The following DCDC1 variants were observed in gnomAD, a reference collection of about 807,000 sequenced individuals.
DCDC1 encodes doublecortin domain-containing protein 1.
In DCDC1, 200 loss-of-function variants were observed where a neutral mutation model predicts 178.3. The ratio of observed to expected loss-of-function variants is 1.12; its 90% CI spans 1.00 to 1.26. DCDC1 has a LOEUF of 1.26. Among genes scored for constraint, DCDC1 ranks in the 50% most tolerant of loss-of-function variants. The pLI is 0.00. For missense variants in DCDC1, 1,983 were observed against 1,749.2 expected (o/e 1.13, Z -2.38); for synonymous variants, 690 against 604.8 (o/e 1.14, Z -2.07).
chr11:31,020,463 C>G (rs1952794202), intron 20 of DCDC1, among the ~76,000 whole-genome samples: 2 of 152,126 alleles, frequency 1.3e-5, no homozygotes, highest in Non-Finnish European at 2.9e-5. Flanking sequence ...TGTCTTAAGT[C>G]ATTAGATCAA....
At chr11:30,918,407 C>T (rs751233334) in intron 25 of DCDC1, among the ~76,000 whole-genome samples, 6 of 152,086 alleles carry the variant, frequency 3.9e-5, no homozygotes, top group East Asian at 1.9e-4. Flanking sequence ...TCAGTGCTCA[C>T]GGAGTTTACA....
chr11:30,977,898 C>T (rs749635547), intron 20 of DCDC1, among the ~76,000 whole-genome samples: 5 of 152,124 alleles, frequency 3.3e-5, no homozygotes, highest in Non-Finnish European at 7.4e-5. Flanking sequence ...CCACTGCACT[C>T]CACCTTGGGT....
At chr11:31,078,459 T>G (rs1956992036) in intron 17 of DCDC1, among the ~76,000 whole-genome samples, 1 of 152,212 alleles carries the variant, frequency 6.6e-6, no homozygotes, top group Non-Finnish European at 1.5e-5. Context: ...AATCATGTAT[T>G]CATTAATATT....
chr11:31,160,910 T>C (rs575098455), intron 9 of DCDC1, among the ~76,000 whole-genome samples: 15 of 152,350 alleles, frequency 9.8e-5, no homozygotes, highest in African/African-American at 3.6e-4. Context: ...TGCATTTTTA[T>C]TTCTGTAAAA....
chr11:30,955,297 A>G (rs1948704160), intron 20 of DCDC1, among the ~76,000 whole-genome samples: 1 of 152,160 alleles, frequency 6.6e-6, no homozygotes. Flanking sequence ...GCACATATCA[A>G]TAGACCATAA....
At position 31,127,641 on chromosome 11, in the gene DCDC1, T is replaced by C; in HGVS notation, c.1315-2A>G. 1.4e-6 allele frequency: 1 copy of C among 701,982 alleles called. No homozygotes were observed. Among genetic ancestry groups the C allele is most frequent in the Non-Finnish European group, 2.6e-6 (1 of 384,458 alleles). 43.5% of individuals were successfully genotyped at this position (701,982 alleles called of 1,614,324 possible). A position where few individuals can be genotyped will look rare whatever the true frequency, so the allele number is the denominator to read the frequency against. ...CAATTCATCAATCAGCCTGCTCACCTGAAGGGGTTAAATTACAAGAGTTGT... is the reference window on the plus strand; with the variant it reads ...CAATTCATCAATCAGCCTGCTCACCCGAAGGGGTTAAATTACAAGAGTTGT... On this transcript the variant is annotated splice_acceptor_variant, in intron 10 of 38. Coordinates refer to ENST00000684477, the MANE Select transcript of DCDC1 (RefSeq NM_001387274.1). LOFTEE classifies it high-confidence loss of function.
intron 11 of DCDC1, among the ~76,000 whole-genome samples, chr11:31,113,689 T>C (rs1319556177): frequency 1.3e-5 from 2 of 152,110 alleles, no homozygotes; most frequent in African/African-American, 4.8e-5. Flanking sequence ...CAGTCTATCA[T>C]TGATGGACAT....
chr11:31,206,868 A>G (rs1320882795), intron 9 of DCDC1, among the ~76,000 whole-genome samples: 1 of 152,232 alleles, frequency 6.6e-6, no homozygotes, highest in East Asian at 1.9e-4. Context: ...TCAGTTTAGC[A>G]ATACTTGGGA....
intron 1 of DCDC1, among the ~76,000 whole-genome samples, chr11:31,347,485 T>G (rs1309291679): frequency 6.6e-6 from 1 of 152,132 alleles, no homozygotes; most frequent in Non-Finnish European, 1.5e-5. Flanking sequence ...CCAGGCACAC[T>G]AAATCTGAGG....
chr11:31,263,053 C>T (rs746731854), intron 8 of DCDC1: 8 of 1,612,816 alleles, frequency 5.0e-6, no homozygotes, highest in Non-Finnish European at 6.8e-6. Flanking sequence ...TGAAGTATCA[C>T]GTCTCAGAGT....
chr11:30,893,325 G>C (rs1445412168), intron 35 of DCDC1, among the ~76,000 whole-genome samples: 1 of 152,210 alleles, frequency 6.6e-6, no homozygotes, highest in South Asian at 2.1e-4. Flanking sequence ...CTCCTACTGA[G>C]AGATTTCTCT....
chr11:31,225,279 C>A (rs1974777267), intron 9 of DCDC1, among the ~76,000 whole-genome samples: 1 of 150,072 alleles, frequency 6.7e-6, no homozygotes. Flanking sequence ...ATCCAGAAAA[C>A]TAAATATTTT....
chr11:31,297,041 T>C (rs1156464795), intron 6 of DCDC1, among the ~76,000 whole-genome samples: 1 of 152,174 alleles, frequency 6.6e-6, no homozygotes, highest in African/African-American at 2.4e-5. Context: ...TCTGAGGACA[T>C]ATGTTTTCAT....
intron 12 of DCDC1, among the ~76,000 whole-genome samples, chr11:31,107,201 C>T (rs1450282382): frequency 1.3e-5 from 2 of 152,136 alleles, no homozygotes; most frequent in Non-Finnish European, 1.5e-5. Flanking sequence ...TGAGCTCTGA[C>T]CCTTTGGCAC....
intron 11 of DCDC1, among the ~76,000 whole-genome samples, chr11:31,114,033 C>T (rs937145631): frequency 6.6e-6 from 1 of 152,124 alleles, no homozygotes; most frequent in African/African-American, 2.4e-5. Context: ...AATCAGAAAA[C>T]AGTACACGAT....
At chr11:30,932,039 C>A in intron 21 of DCDC1, 87 bp from the exon 22 acceptor site, 1 of 1,270,870 alleles carries the variant, frequency 7.9e-7, no homozygotes, top group Non-Finnish European at 1.0e-6. Context: ...ACAGTTTATA[C>A]CTTTAATCTC....
chr11:31,338,691 G>C lies in DCDC1; in HGVS notation c.-124-3127C>G, dbSNP rs1340480569. Reference sequence around the variant, plus strand: ...GAACTGTCACCAAAGAAGGGGGTATGGGGCATAATTTTCAGCCTTCTTTTC... The same window carrying C: ...GAACTGTCACCAAAGAAGGGGGTATCGGGCATAATTTTCAGCCTTCTTTTC... On this transcript the variant is annotated intron_variant, in intron 1 of 38. Coordinates refer to ENST00000684477, the MANE Select transcript of DCDC1 (RefSeq NM_001387274.1). Among the ~76,000 whole-genome samples, 3 of 152,124 alleles carry C rather than the reference G, an allele frequency of 2.0e-5. No homozygotes were observed. The South Asian group carries it at 6.2e-4, about 32-fold the overall frequency.
chr11:31,056,008 A>T (rs964955476), intron 20 of DCDC1, among the ~76,000 whole-genome samples: 7 of 152,232 alleles, frequency 4.6e-5, no homozygotes, highest in African/African-American at 1.7e-4. Context: ...GAAATATTTT[A>T]AAAGAATTTA....
intron 7 of DCDC1, among the ~76,000 whole-genome samples, chr11:31,285,331 T>TA (rs1430977148): frequency 6.6e-6 from 1 of 152,134 alleles, no homozygotes; most frequent in Non-Finnish European, 1.5e-5. Context: ...TGGACTTTTC[T>TA]TCATATTTCA....
Sources: allele counts gnomAD v4.1 joint callset (sites outside exome capture counted in the v4.1 genomes callset), GRCh38; gene constraint gnomAD v4.1.1; transcripts MANE v1.5; gene names NCBI Gene and HGNC (gene_info 2026-07-23, HGNC 2026-07-21).